Variants in IMMP2L observed in about 807,000 individuals in gnomAD.
The protein encoded by IMMP2L is inner mitochondrial membrane peptidase subunit 2, also known as mitochondrial inner membrane protease subunit 2.
A neutral mutation model predicts 19.3 loss-of-function variants in IMMP2L; 18 were observed. That is an observed-to-expected ratio of 0.93 (90% CI 0.64 to 1.38). The LOEUF is 1.38. IMMP2L is among the 40% of genes most tolerant of loss of function. The pLI is 0.00. For missense variants in IMMP2L, 233 were observed against 218.2 expected (o/e 1.07, Z -0.43); for synonymous variants, 76 against 73.0 (o/e 1.04, Z -0.21).
chr7:111,176,328 C>T (rs2129610069), intron 3 of IMMP2L, among the ~76,000 whole-genome samples: 1 of 152,090 alleles, frequency 6.6e-6, no homozygotes, highest in East Asian at 1.9e-4. Flanking sequence ...CCCATGTTTA[C>T]TGCAACATTA....
chr7:110,872,605 A>ATCAGGTC (rs1288267233), intron 5 of IMMP2L, among the ~76,000 whole-genome samples: 1 of 152,144 alleles, frequency 6.6e-6, no homozygotes, highest in Non-Finnish European at 1.5e-5. Context: ...CTACAGGTAG[A>ATCAGGTC]TACCTGATCC....
At chr7:111,176,960 A>G (rs1198292826) in intron 3 of IMMP2L, among the ~76,000 whole-genome samples, 1 of 152,028 alleles carries the variant, frequency 6.6e-6, no homozygotes, top group Non-Finnish European at 1.5e-5. Context: ...TTCTTTCTGC[A>G]TAATTCTTTT....
At chr7:111,442,278 G>C (rs1225374540) in intron 3 of IMMP2L, among the ~76,000 whole-genome samples, 1 of 151,794 alleles carries the variant, frequency 6.6e-6, no homozygotes, top group Non-Finnish European at 1.5e-5. Flanking sequence ...TCTCACAATA[G>C]TCTCAGTGTA....
intron 3 of IMMP2L, among the ~76,000 whole-genome samples, chr7:111,263,978 T>C (rs913393528): frequency 6.6e-6 from 1 of 152,164 alleles, no homozygotes; most frequent in Non-Finnish European, 1.5e-5. Context: ...CACATCCCCA[T>C]TTTAGATATC....
intron 5 of IMMP2L, among the ~76,000 whole-genome samples, chr7:110,827,422 T>C (rs1020309039): frequency 3.3e-5 from 5 of 152,162 alleles, no homozygotes; most frequent in East Asian, 1.9e-4. Flanking sequence ...TCTGGGATTA[T>C]AATATACCTT....
chr7:110,666,492 T>C (rs922008955), intron 5 of IMMP2L, among the ~76,000 whole-genome samples: 13 of 152,040 alleles, frequency 8.6e-5, no homozygotes, highest in African/African-American at 3.1e-4. Flanking sequence ...GCCAGGATGG[T>C]CTTGATCTCT....
intron 4 of IMMP2L, among the ~76,000 whole-genome samples, chr7:110,956,967 A>G (rs1818416522): frequency 6.6e-6 from 1 of 152,048 alleles, no homozygotes; most frequent in African/African-American, 2.4e-5. Flanking sequence ...ACAAATTAAT[A>G]AGAAAAAGCA....
chr7:111,132,195 T>C (rs1801914757), intron 3 of IMMP2L, among the ~76,000 whole-genome samples: 3 of 152,008 alleles, frequency 2.0e-5, no homozygotes, highest in African/African-American at 7.2e-5. Context: ...CATATTCTTA[T>C]AAATAAAACC....
intron 3 of IMMP2L, among the ~76,000 whole-genome samples, chr7:111,382,381 GT>G (rs1831284715): frequency 6.6e-6 from 1 of 152,030 alleles, no homozygotes; most frequent in Non-Finnish European, 1.5e-5. Flanking sequence ...TATTTGGCAA[GT>G]CAGAGATCAC....
chr7:111,328,803 G>A (rs997363711), intron 3 of IMMP2L, among the ~76,000 whole-genome samples: 3 of 151,668 alleles, frequency 2.0e-5, no homozygotes, highest in Admixed American at 6.6e-5. Flanking sequence ...AAACTTCAAC[G>A]TGCCCTTGGA....
intron 2 of IMMP2L, among the ~76,000 whole-genome samples, chr7:111,490,643 C>G (rs2132307541): frequency 6.6e-6 from 1 of 152,180 alleles, no homozygotes; most frequent in Middle Eastern, 3.4e-3. Context: ...AGTCTCTCAC[C>G]TCCAACTTAG....
chr7:111,062,206 A>G (rs1175616530), intron 3 of IMMP2L, among the ~76,000 whole-genome samples: 1 of 152,176 alleles, frequency 6.6e-6, no homozygotes, highest in Non-Finnish European at 1.5e-5. Flanking sequence ...ATGGCTGGGG[A>G]GGCCTCACAA....
chr7:110,850,853 G>T (rs1462099992), intron 5 of IMMP2L, among the ~76,000 whole-genome samples: 1 of 151,776 alleles, frequency 6.6e-6, no homozygotes, highest in African/African-American at 2.4e-5. Context: ...AGACAGACTT[G>T]CTATTCATAA....
intron 3 of IMMP2L, among the ~76,000 whole-genome samples, chr7:111,463,193 G>T: frequency 6.6e-6 from 1 of 151,984 alleles, no homozygotes; most frequent in East Asian, 1.9e-4. Flanking sequence ...GTGTGTGTGT[G>T]TGTGTCCCAA....
chr7:111,551,496 G>GT (rs1491367788), intron 1 of IMMP2L, among the ~76,000 whole-genome samples: 22 of 3,538 alleles, frequency 6.2e-3, no homozygotes, highest in African/African-American at 9.8e-3. Flanking sequence ...ACTGTTAGAG[G>GT]TGTGTGTGTG....
intron 4 of IMMP2L, among the ~76,000 whole-genome samples, chr7:110,923,485 AT>A (rs910934899): frequency 4.6e-5 from 7 of 152,234 alleles, no homozygotes; most frequent in Admixed American, 1.3e-4. Context: ...TCATAGAAGC[AT>A]AAAAGGTGAA....
At position 111,461,416 on chromosome 7, in the gene IMMP2L, G is replaced by A. The variant is rs142902673; in HGVS notation, c.239+25822C>T. Among the ~76,000 whole-genome samples the A allele has an allele frequency of 1.1e-3, 174 of 151,748 alleles. 2 individuals are homozygous for A. Among genetic ancestry groups the A allele is most frequent in the African/African-American group, 4.0e-3 (164 of 41,456 alleles). On this transcript the variant is annotated intron_variant, in intron 3 of 5. Transcript: ENST00000405709. ...AATACACACACACATACACGCACAC[G>A]CACAGGAACACACATTCTAGCAAAG...
At chr7:110,995,879 T>C (rs1409134640) in intron 3 of IMMP2L, among the ~76,000 whole-genome samples, 1 of 152,156 alleles carries the variant, frequency 6.6e-6, no homozygotes. Context: ...AATATAATTC[T>C]ACAGGTTAGG....
intron 3 of IMMP2L, among the ~76,000 whole-genome samples, chr7:111,464,560 T>TTAACTATTAAATCTATTA (rs1306861275): frequency 6.6e-6 from 1 of 152,182 alleles, no homozygotes; most frequent in African/African-American, 2.4e-5. Flanking sequence ...ACATTAATTT[T>TTAACTATTAAATCTATTA]TTAACTATTA....
Sources: gnomAD v4.1 joint callset for allele counts (sites outside exome capture counted in the v4.1 genomes callset) on GRCh38, gnomAD v4.1.1 for gene constraint, MANE v1.5 for transcripts, NCBI Gene and HGNC (gene_info 2026-07-23, HGNC 2026-07-21) for gene names.